The following RBMS3 variants were observed in gnomAD, a reference collection of about 807,000 sequenced individuals.
The protein encoded by RBMS3 is RNA-binding motif, single-stranded-interacting protein 3.
RBMS3 carries 27 observed loss-of-function variants against 66.8 expected under a neutral mutation model. The ratio of observed to expected loss-of-function variants is 0.40; its 90% CI spans 0.30 to 0.56. The LOEUF is 0.56. Among genes scored for constraint, RBMS3 ranks in the 20% least tolerant of loss-of-function variants. The probability of loss-of-function intolerance (pLI) is 0.40; values close to 1 mark genes in which losing one functional copy is unlikely to be tolerated. For missense variants in RBMS3, 513 were observed against 549.5 expected (o/e 0.93, Z 0.66); for synonymous variants, 188 against 183.0 (o/e 1.03, Z -0.22).
chr3:29,974,043 C>G (rs1181726749), intron 12 of RBMS3, among the ~76,000 whole-genome samples: 1 of 151,922 alleles, frequency 6.6e-6, no homozygotes, highest in African/African-American at 2.4e-5. Context: ...CACTTGTATT[C>G]CATTCTCAGA....
chr3:29,693,025 A>T (rs1204299727), intron 4 of RBMS3, among the ~76,000 whole-genome samples: 1 of 152,142 alleles, frequency 6.6e-6, no homozygotes, highest in Non-Finnish European at 1.5e-5. Context: ...ATTTCCAGAA[A>T]CATACACTGT....
At chr3:29,447,644 G>A (rs1223037283) in intron 2 of RBMS3, among the ~76,000 whole-genome samples, 1 of 152,176 alleles carries the variant, frequency 6.6e-6, no homozygotes, top group Non-Finnish European at 1.5e-5. Context: ...CATGGAGTGA[G>A]TACCCAGTAA....
At chr3:29,532,603 T>C (rs924900234) in intron 3 of RBMS3, among the ~76,000 whole-genome samples, 1 of 152,094 alleles carries the variant, frequency 6.6e-6, no homozygotes, top group Non-Finnish European at 1.5e-5. Flanking sequence ...TGGTGGTGTG[T>C]GCCTGTATCG....
intron 1 of RBMS3, among the ~76,000 whole-genome samples, chr3:29,344,903 T>A (rs937225801): frequency 6.6e-6 from 1 of 152,230 alleles, no homozygotes; most frequent in South Asian, 2.1e-4. Context: ...ACAGTCCCAG[T>A]GGCTGTCCCC....
At chr3:29,797,369 T>G (rs1323208596) in intron 6 of RBMS3, among the ~76,000 whole-genome samples, 4 of 152,216 alleles carry the variant, frequency 2.6e-5, no homozygotes, top group South Asian at 4.1e-4. Flanking sequence ...CTCGTAGCCT[T>G]CATAGAGTTG....
At chr3:29,348,713 G>A (rs1326124737) in intron 1 of RBMS3, among the ~76,000 whole-genome samples, 1 of 152,106 alleles carries the variant, frequency 6.6e-6, no homozygotes, top group Non-Finnish European at 1.5e-5. Flanking sequence ...TAAACTCCCT[G>A]AGCTCCAATT....
At chr3:29,665,952 C>G (rs2050735650) in intron 4 of RBMS3, among the ~76,000 whole-genome samples, 1 of 152,110 alleles carries the variant, frequency 6.6e-6, no homozygotes. Flanking sequence ...AGGGTAAAAG[C>G]CAGTCAGAAT....
chr3:29,995,502 G>A (rs901239809), intron 14 of RBMS3, among the ~76,000 whole-genome samples: 74 of 151,610 alleles, frequency 4.9e-4, no homozygotes, highest in Admixed American at 1.7e-3. Context: ...AAATGTTAAG[G>A]GCAGCCAGAG....
intron 3 of RBMS3, among the ~76,000 whole-genome samples, chr3:29,533,348 G>A (rs1273333719): frequency 1.3e-5 from 2 of 152,116 alleles, no homozygotes; most frequent in South Asian, 2.1e-4. Flanking sequence ...GAAGTGTAGT[G>A]GCATATGCCC....
rs145132764 is a variant in RBMS3 at position 29,977,339 on chromosome 3, C to T, written c.1099-10804C>T. Among the ~76,000 whole-genome samples the T allele has an allele frequency of 7.5e-3, 1,139 of 152,160 alleles. 10 individuals carry two copies. Among genetic ancestry groups the T allele is most frequent in the Non-Finnish European group, 0.01 (711 of 67,984 alleles). On this transcript the variant is annotated intron_variant, in intron 12 of 14. Transcript: ENST00000383767. Reference sequence around the variant, plus strand: ...ATAATTAAAATAAAAAGTTTCCTCACAGGAAATATATAAAATATGTTTGTT... The same window carrying T: ...ATAATTAAAATAAAAAGTTTCCTCATAGGAAATATATAAAATATGTTTGTT...
At chr3:29,604,439 G>C (rs940889534) in intron 4 of RBMS3, among the ~76,000 whole-genome samples, 2 of 151,894 alleles carry the variant, frequency 1.3e-5, no homozygotes, top group African/African-American at 4.8e-5. Context: ...GTCCTTGGAT[G>C]CTATTCCTTT....
chr3:29,820,242 A>G (rs2058042457), intron 6 of RBMS3, among the ~76,000 whole-genome samples: 1 of 135,758 alleles, frequency 7.4e-6, no homozygotes, highest in Non-Finnish European at 1.6e-5. Flanking sequence ...AAAAAAAAAA[A>G]TTAGGTGGCA....
intron 6 of RBMS3, among the ~76,000 whole-genome samples, chr3:29,820,826 A>AGCT (rs2058059888): frequency 6.6e-6 from 1 of 152,174 alleles, no homozygotes; most frequent in Admixed American, 6.5e-5. Context: ...CCTAAAACCC[A>AGCT]GCTACTCCAG....
At chr3:29,574,880 C>A (rs546066090) in intron 3 of RBMS3, among the ~76,000 whole-genome samples, 1 of 150,816 alleles carries the variant, frequency 6.6e-6, no homozygotes, top group African/African-American at 2.4e-5. Context: ...TTAATAAAAA[C>A]CCTACACTTT....
chr3:29,436,887 C>T (rs969015277), intron 2 of RBMS3, among the ~76,000 whole-genome samples: 1 of 152,188 alleles, frequency 6.6e-6, no homozygotes, highest in East Asian at 1.9e-4. Context: ...TCTTGAAGAA[C>T]ACCAACTATT....
intron 3 of RBMS3, among the ~76,000 whole-genome samples, chr3:29,580,341 AAGAT>A (rs1266322388): frequency 2.0e-5 from 3 of 152,190 alleles, no homozygotes. Flanking sequence ...GAGAGACAGA[AAGAT>A]AGACTAATTC....
chr3:29,587,222 G>C lies in RBMS3; in HGVS notation c.399+17G>C. Reference sequence around the variant, plus strand: ...ATGGCTAAGGTAAGATTGATGTTTAGGGGTGTTTTTTTTTTTTTTTTTTTT... The same window carrying C: ...ATGGCTAAGGTAAGATTGATGTTTACGGGTGTTTTTTTTTTTTTTTTTTTT... On this transcript the variant is annotated intron_variant, in intron 4 of 14. Coordinates refer to ENST00000383767, the MANE Select transcript of RBMS3 (RefSeq NM_001003793.3). 1 of 781,108 alleles carries C rather than the reference G, an allele frequency of 1.3e-6. No homozygotes were observed. The highest frequency in any genetic ancestry group is 1.8e-6 in the Non-Finnish European group (1 of 540,704). 48.4% of individuals were successfully genotyped at this position (781,108 alleles called of 1,614,324 possible). A position where few individuals can be genotyped will look rare whatever the true frequency, so the allele number is the denominator to read the frequency against.
chr3:29,619,393 G>T (rs755399255), intron 4 of RBMS3, among the ~76,000 whole-genome samples: 9 of 152,190 alleles, frequency 5.9e-5, no homozygotes, highest in Non-Finnish European at 1.2e-4. Flanking sequence ...GCTGTAAATT[G>T]CAAAAATCAC....
chr3:29,496,376 G>T (rs185439919), intron 3 of RBMS3, among the ~76,000 whole-genome samples: 1 of 152,002 alleles, frequency 6.6e-6, no homozygotes, highest in South Asian at 2.1e-4. Context: ...AAACTTGAAG[G>T]TTTGCTTTAT....
Sources: gnomAD v4.1 joint callset for allele counts (sites outside exome capture counted in the v4.1 genomes callset) on GRCh38, gnomAD v4.1.1 for gene constraint, MANE v1.5 for transcripts, NCBI Gene and HGNC (gene_info 2026-07-23, HGNC 2026-07-21) for gene names.